AFF3: variants seen among roughly 807,000 people sequenced by gnomAD.
AFF3 encodes AF4/FMR2 family member 3.
A neutral mutation model predicts 129.7 loss-of-function variants in AFF3; 32 were observed. The ratio of observed to expected loss-of-function variants is 0.25; its 90% confidence interval spans 0.19 to 0.33. AFF3 has a LOEUF of 0.33. Ranked by LOEUF, AFF3 falls within the 10% of genes least tolerant of loss-of-function variation. The pLI is 1.00. For synonymous variants in AFF3, 644 were observed against 635.4 expected (o/e 1.01, Z -0.20); for missense variants, 1,373 against 1,592.0 (o/e 0.86, Z 2.34).
At chr2:99,786,660 G>A (rs150202942) in intron 8 of AFF3, among the ~76,000 whole-genome samples, 1 of 152,100 alleles carries the variant, frequency 6.6e-6, no homozygotes, top group East Asian at 1.9e-4. Flanking sequence ...GTTTTATGCC[G>A]TAGTGCTATA....
At chr2:99,680,414 T>C (rs1674418801) in intron 11 of AFF3, among the ~76,000 whole-genome samples, 1 of 152,194 alleles carries the variant, frequency 6.6e-6, no homozygotes, top group African/African-American at 2.4e-5. Flanking sequence ...TGAAAGAACA[T>C]GATCCTTTCC....
At chr2:99,959,377 T>C (rs1161032800) in intron 7 of AFF3, among the ~76,000 whole-genome samples, 2 of 127,394 alleles carry the variant, frequency 1.6e-5, no homozygotes, top group African/African-American at 2.9e-5. Flanking sequence ...TTATCAAGAA[T>C]AGGACAAAGA....
chr2:99,601,856 C>T (rs1020574552), intron 13 of AFF3, among the ~76,000 whole-genome samples: 2 of 152,128 alleles, frequency 1.3e-5, no homozygotes, highest in African/African-American at 2.4e-5. Flanking sequence ...CCTTGGTAGT[C>T]GGGCACTGGT....
intron 7 of AFF3, among the ~76,000 whole-genome samples, chr2:99,854,883 G>T (rs759993823): frequency 6.6e-6 from 1 of 152,180 alleles, no homozygotes; most frequent in Non-Finnish European, 1.5e-5. Flanking sequence ...TTGTCAAAAG[G>T]TAACTCAGTG....
At chr2:99,768,925 G>T (rs1227091466) in intron 8 of AFF3, among the ~76,000 whole-genome samples, 2 of 152,136 alleles carry the variant, frequency 1.3e-5, no homozygotes, top group African/African-American at 4.8e-5. Flanking sequence ...TTAGGATTTT[G>T]TATCTATCCT....
chr2:99,861,822 C>A (rs1237642034), intron 7 of AFF3, among the ~76,000 whole-genome samples: 1 of 152,152 alleles, frequency 6.6e-6, no homozygotes, highest in African/African-American at 2.4e-5. Context: ...CCTTCACCAT[C>A]CTAATTGGTG....
At chr2:99,858,722 G>A (rs886638817) in intron 7 of AFF3, among the ~76,000 whole-genome samples, 3 of 152,114 alleles carry the variant, frequency 2.0e-5, no homozygotes, top group African/African-American at 7.2e-5. Flanking sequence ...ACACATAGAG[G>A]GGAAAAACAG....
chr2:99,959,842 C>T (rs13023088), intron 7 of AFF3, among the ~76,000 whole-genome samples: 21,281 of 151,528 alleles, frequency 0.14, 2,110 homozygotes, highest in East Asian at 0.49. Flanking sequence ...ATTTTAACCC[C>T]GTGTTAGCTT....
At chr2:100,045,868 A>ATG in intron 4 of AFF3, among the ~76,000 whole-genome samples, 1 of 152,350 alleles carries the variant, frequency 6.6e-6, no homozygotes, top group Non-Finnish European at 1.5e-5. Context: ...CATATAATAC[A>ATG]TGTAACATAC....
intron 13 of AFF3, among the ~76,000 whole-genome samples, chr2:99,643,270 T>G (rs981478443): frequency 2.6e-5 from 4 of 152,066 alleles, no homozygotes; most frequent in Non-Finnish European, 5.9e-5. Context: ...ATATTGATCA[T>G]GCTGGTCTTG....
At chr2:99,668,035 G>A (rs932854489) in intron 12 of AFF3, among the ~76,000 whole-genome samples, 16 of 152,004 alleles carry the variant, frequency 1.1e-4, no homozygotes, top group Admixed American at 4.6e-4. Context: ...GTGGGCGCCT[G>A]TAGTCCCAGC....
At chr2:99,955,651 A>C (rs1052866127) in intron 7 of AFF3, among the ~76,000 whole-genome samples, 2 of 152,238 alleles carry the variant, frequency 1.3e-5, no homozygotes, top group Non-Finnish European at 2.9e-5. Flanking sequence ...GAAAAATTTA[A>C]TGTTAATGCA....
chr2:99,945,007 C>T (rs887190668), intron 7 of AFF3, among the ~76,000 whole-genome samples: 1 of 152,150 alleles, frequency 6.6e-6, no homozygotes, highest in African/African-American at 2.4e-5. Context: ...TCATTGGACA[C>T]CTATGCACGT....
intron 19 of AFF3, among the ~76,000 whole-genome samples, chr2:99,568,416 T>C (rs1220486159): frequency 6.6e-6 from 1 of 152,208 alleles, no homozygotes; most frequent in Non-Finnish European, 1.5e-5. Flanking sequence ...GTTTCTGTGT[T>C]GTACAGTTTC....
intron 7 of AFF3, among the ~76,000 whole-genome samples, chr2:99,912,473 A>C (rs1464075106): frequency 1.3e-5 from 2 of 152,200 alleles, no homozygotes; most frequent in African/African-American, 4.8e-5. Flanking sequence ...AAAACCCAAT[A>C]AATAATTTCT....
chr2:99,839,145 T>G (rs999039285), intron 7 of AFF3, among the ~76,000 whole-genome samples: 3 of 152,156 alleles, frequency 2.0e-5, no homozygotes, highest in Non-Finnish European at 2.9e-5. Context: ...GTTTCGCTCT[T>G]GTTGCCCAGG....
At chr2:99,885,835 C>T (rs898761429) in intron 7 of AFF3, among the ~76,000 whole-genome samples, 1 of 152,162 alleles carries the variant, frequency 6.6e-6, no homozygotes, top group African/African-American at 2.4e-5. Context: ...AGCTCTGGGG[C>T]AGATCATACG....
In AFF3 at chr2:100,078,896, T is replaced by G. The variant is rs189626990; in HGVS notation, c.53+25506A>C. ...ATGTAAATAGCTGTTATACTATAGT[T>G]TCTTTATTTGTATTATTTTTTATTG... On this transcript the variant is annotated intron_variant, in intron 4 of 24. Coordinates refer to ENST00000672756, the MANE Select transcript of AFF3 (RefSeq NM_001386135.1). Among the ~76,000 whole-genome samples the G allele has an allele frequency of 3.3e-5, 5 of 152,152 alleles. No individual in the cohort carries two copies. In the East Asian group the frequency reaches 9.6e-4, roughly 29 times the overall value.
intron 13 of AFF3, among the ~76,000 whole-genome samples, chr2:99,641,917 A>G (rs17022809): frequency 0.1 from 15,560 of 152,184 alleles, 901 homozygotes; most frequent in East Asian, 0.16. Flanking sequence ...GCACAAGCCT[A>G]CATGTCCTCT....
Sources: gnomAD v4.1 joint callset for allele counts (sites outside exome capture counted in the v4.1 genomes callset) on GRCh38, gnomAD v4.1.1 for gene constraint, MANE v1.5 for transcripts, NCBI Gene and HGNC (gene_info 2026-07-23, HGNC 2026-07-21) for gene names.